The following RNF125 variants were observed in gnomAD, a reference collection of about 807,000 sequenced individuals.
The protein encoded by RNF125 is E3 ubiquitin-protein ligase RNF125.
RNF125 carries 21 observed loss-of-function variants against 26.0 expected under a neutral mutation model. That is an observed-to-expected ratio of 0.81 (90% confidence interval 0.57 to 1.16). The LOEUF (loss-of-function observed/expected upper bound fraction) is 1.16, where lower values mean the gene tolerates loss of function less well. Ranked by LOEUF, RNF125 falls within the 50% of genes most tolerant of loss-of-function variation. The probability of loss-of-function intolerance (pLI) is 0.00; values close to 1 mark genes in which losing one functional copy is unlikely to be tolerated. For synonymous variants in RNF125, 95 were observed against 109.2 expected, an observed-to-expected ratio of 0.87 and a Z score of 0.81; for missense variants, 270 against 299.4, an observed-to-expected ratio of 0.90 and a Z score of 0.72.
chr18:32,068,649 T>C lies in RNF125; in HGVS notation c.*265T>C, dbSNP rs1598829347. ...ATTGTTACATGGAAAAGACAGGTGG[T>C]AGGCAAGTAGGTGGAGGATCTCGGT... On this transcript the variant is annotated 3_prime_UTR_variant, in exon 6 of 6. Transcript: ENST00000217740. The C allele has an allele frequency of 2.9e-6, 1 of 340,358 alleles. No homozygotes were observed. Among genetic ancestry groups the C allele is most frequent in the East Asian group, 5.9e-5 (1 of 16,998 alleles). The allele number at this position is 340,358 out of a possible 1,614,324, so 21.1% of individuals were successfully genotyped here.
chr18:32,034,886 G>A (rs192152545), intron 1 of RNF125, among the ~76,000 whole-genome samples: 121 of 132,540 alleles, frequency 9.1e-4, no homozygotes, highest in African/African-American at 3.3e-3. Flanking sequence ...GGGCAACAGA[G>A]CGAAACTCCA....
At chr18:32,028,297 TAAAAAA>T (rs1156859954) in intron 1 of RNF125, among the ~76,000 whole-genome samples, 5 of 72,382 alleles carry the variant, frequency 6.9e-5, no homozygotes, top group Admixed American at 1.8e-4. Context: ...GACTCCGTCT[TAAAAAA>T]AAAAAAAAAA....
chr18:32,021,016 A>G (rs1387364459), intron 1 of RNF125, among the ~76,000 whole-genome samples: 4 of 152,226 alleles, frequency 2.6e-5, no homozygotes, highest in Non-Finnish European at 2.9e-5. Context: ...TCTGTGAGCC[A>G]GGGACAAAAG....
intron 4 of RNF125, among the ~76,000 whole-genome samples, chr18:32,058,384 C>T (rs975193786): frequency 2.0e-5 from 3 of 151,772 alleles, no homozygotes; most frequent in East Asian, 3.9e-4. Context: ...CTCGTTCTGT[C>T]GCCCAGGCTA....
intron 1 of RNF125, among the ~76,000 whole-genome samples, chr18:32,020,191 G>A (rs1406073394): frequency 6.6e-6 from 1 of 151,908 alleles, no homozygotes; most frequent in Non-Finnish European, 1.5e-5. Context: ...GGGATTACAG[G>A]CGCCCACCCC....
chr18:32,090,606 C>A, the RNF125 span, among the ~76,000 whole-genome samples: 1 of 152,296 alleles, frequency 6.6e-6, no homozygotes, highest in East Asian at 1.9e-4. Flanking sequence ...TCTAATCATT[C>A]CATTTCCTAT....
chr18:32,077,312 C>T (rs187798665), downstream of RNF125, among the ~76,000 whole-genome samples: 16 of 147,272 alleles, frequency 1.1e-4, no homozygotes, highest in East Asian at 2.6e-3. Context: ...CCAGCCTGGG[C>T]GACATAGCAA....
intron 1 of RNF125, among the ~76,000 whole-genome samples, chr18:32,032,815 C>T (rs141523253): frequency 2.0e-5 from 3 of 151,978 alleles, no homozygotes; most frequent in Non-Finnish European, 4.4e-5. Flanking sequence ...GCCGAGATTG[C>T]GCCATTGCAG....
At chr18:32,076,324 GTT>G, downstream of RNF125, 2 of 270,236 alleles carry the variant, frequency 7.4e-6, no homozygotes, top group Non-Finnish European at 1.4e-5. Context: ...TTGTTTTTTT[GTT>G]TTTTTTTTGA....
At position 32,037,187 on chromosome 18, in the gene RNF125, T is replaced by C. The variant is rs748144227; in HGVS notation, c.236T>C (p.Leu79Pro). 6.2e-7 allele frequency: 1 copy of C among 1,606,252 alleles called. No homozygotes were observed. The highest frequency in any genetic ancestry group is 8.5e-7 in the Non-Finnish European group (1 of 1,177,356). ...KWTCPYCRAY[L>P]PSEGVPATDV... is the part of the protein sequence containing the mutation. ...ACCTGTCCTTATTGCCGGGCATATCTTCCTTCAGAAGGAGTTCCAGCAACT... is the reference window on the plus strand; with the variant it reads ...ACCTGTCCTTATTGCCGGGCATATCCTCCTTCAGAAGGAGTTCCAGCAACT... Residue 79 changes from leucine (L) to proline (P), a missense_variant, in exon 2 of 6, where the codon CTT (leucine) becomes CCT (proline). Transcript: ENST00000217740.
At chr18:32,033,415 C>A (rs1178109728) in intron 1 of RNF125, among the ~76,000 whole-genome samples, 1 of 152,112 alleles carries the variant, frequency 6.6e-6, no homozygotes, top group East Asian at 1.9e-4. Flanking sequence ...GTAATCCCAG[C>A]TGCTTGGGAG....
chr18:32,085,416 A>AGAGAGAGAGAGAGAGAGAGAGAG, the RNF125 span, among the ~76,000 whole-genome samples: 1 of 125,080 alleles, frequency 8.0e-6, no homozygotes, highest in African/African-American at 2.8e-5. Flanking sequence ...AGAGAGAGAG[A>AGAGAGAGAGAGAGAGAGAGAGAG]AAGCTGGGTG....
chr18:32,066,760 T>G (rs949700383), intron 5 of RNF125, among the ~76,000 whole-genome samples: 1 of 152,208 alleles, frequency 6.6e-6, no homozygotes, highest in African/African-American at 2.4e-5. Context: ...CTTTGCACAG[T>G]TCAGGTGCAG....
chr18:32,047,287 G>T (rs906726771), intron 4 of RNF125, among the ~76,000 whole-genome samples: 1 of 152,126 alleles, frequency 6.6e-6, no homozygotes, highest in Non-Finnish European at 1.5e-5. Context: ...GTTCGCCCAC[G>T]TCGGCCTCCC....
At chr18:32,021,583 A>T (rs1159942706) in intron 1 of RNF125, among the ~76,000 whole-genome samples, 1 of 152,250 alleles carries the variant, frequency 6.6e-6, no homozygotes, top group African/African-American at 2.4e-5. Flanking sequence ...AACAGCCTAA[A>T]GATATCTCCA....
At chr18:32,028,628 C>T (rs191279738) in intron 1 of RNF125, among the ~76,000 whole-genome samples, 13 of 148,840 alleles carry the variant, frequency 8.7e-5, no homozygotes, top group African/African-American at 1.2e-4. Flanking sequence ...TCTGTTATTC[C>T]GGCTGGGGTG....
At chr18:32,052,127 A>G (rs79440469) in intron 4 of RNF125, among the ~76,000 whole-genome samples, 13,913 of 152,154 alleles carry the variant, frequency 0.091, 2,086 homozygotes, top group African/African-American at 0.32. Context: ...AGTACTTAGA[A>G]TATCTGTGAC....
intron 4 of RNF125, among the ~76,000 whole-genome samples, chr18:32,062,941 C>T (rs555758693): frequency 1.8e-4 from 28 of 151,970 alleles, no homozygotes; most frequent in Middle Eastern, 3.4e-3. Context: ...ATACATGGGC[C>T]GGGTGGGGTG....
chr18:32,064,384 C>G (rs1236048866), intron 4 of RNF125, among the ~76,000 whole-genome samples: 1 of 105,444 alleles, frequency 9.5e-6, no homozygotes, highest in East Asian at 2.6e-4. Flanking sequence ...CTGGTGAAAT[C>G]TTTTTCTTTT....
Sources: allele counts gnomAD v4.1 joint callset (sites outside exome capture counted in the v4.1 genomes callset), GRCh38; gene constraint gnomAD v4.1.1; transcripts MANE v1.5; gene names NCBI Gene and HGNC (gene_info 2026-07-23, HGNC 2026-07-21).